ABTB1: variants seen among roughly 807,000 people sequenced by gnomAD.
The protein encoded by ABTB1 is ankyrin repeat and BTB/POZ domain-containing protein 1.
Under a neutral mutation model 57.1 loss-of-function variants are expected in ABTB1, and 45 were observed. The observed-to-expected ratio is 0.79, with a 90% CI of 0.62 to 1.01. The LOEUF is 1.01. Among genes scored for constraint, ABTB1 ranks in the 50% least tolerant of loss-of-function variants. The pLI is 0.00. For missense variants in ABTB1, 630 were observed against 666.3 expected (o/e 0.95, Z 0.60); for synonymous variants, 302 against 275.4 (o/e 1.10, Z -0.95).
In ABTB1 at chr3:127,680,176, CATT is replaced by C; in HGVS notation, c.1222_1224del (p.Ile408del). On this transcript the variant is annotated inframe_deletion, in exon 11 of 12. Transcript: ENST00000232744. ...AGTGCACTGAGTACATGGCCAAGGT[CATT>C]GAGAAGGTGGGCCAGTGGTCTGCAG... 1 of 1,613,844 alleles carries C rather than the reference CATT, an allele frequency of 6.2e-7. No homozygotes were observed. Among genetic ancestry groups the C allele is most frequent in the East Asian group, 2.2e-5 (1 of 44,870 alleles).
In ABTB1 at chr3:127,673,245, G is replaced by A. The variant is rs2074891101; in HGVS notation, c.56+164G>A. ...GCAGACCACCCGGACCCCCGCCGCA[G>A]CCCCCCAGCGGAAGCGCGCTGGGGC... On this transcript the variant is annotated intron_variant, in intron 1 of 11. Coordinates refer to ENST00000232744, the MANE Select transcript of ABTB1 (RefSeq NM_172027.3). 11 of 640,794 alleles carry A rather than the reference G, an allele frequency of 1.7e-5. 1 individual carries two copies. The South Asian group carries it at 4.6e-4, about 27-fold the overall frequency. 39.7% of individuals were successfully genotyped at this position (640,794 alleles called of 1,614,324 possible).
rs1318225535 is a variant in ABTB1 at position 127,677,689 on chromosome 3, G to A, written c.875G>A (p.Gly292Asp). The change falls in exon 10 of 12, where the codon GGC becomes GAC. Residue 292 changes from glycine (G) to aspartate (D), a missense_variant. Gly to Asp is a moderately conservative substitution (Grantham distance 94). Transcript: ENST00000232744. ...GGCCTCCCCCAGGCCTTTTTCTGTG[G>A]CCGCAGTGACTACTTCCGAGCCCTG... ...SFLCHKAFFCGRSDYFRALLD... is the reference protein window; with the variant it reads ...SFLCHKAFFCDRSDYFRALLD... The A allele has an allele frequency of 6.2e-7, 1 of 1,610,266 alleles. No individual in the cohort carries two copies. The highest frequency in any genetic ancestry group is 1.1e-5 in the South Asian group (1 of 90,706).
Position 127,676,888 on chromosome 3 carries a change from T to A in ABTB1, c.527-79T>A. 1.4e-6 allele frequency: 2 copies of A among 1,420,428 alleles called. No individual in the cohort carries two copies. Among genetic ancestry groups the A allele is most frequent in the South Asian group, 2.5e-5 (2 of 80,702 alleles). 88.0% of individuals were successfully genotyped at this position (1,420,428 alleles called of 1,614,324 possible). ...CTAGTCCTGCAGCCAGGTGGCCAGG[T>A]GGGAGGGGATCACCCTTTTTCTGTG... On this transcript the variant is annotated intron_variant, in intron 6 of 11. Transcript: ENST00000232744. This position sits in a 1 kb window ranked among gnomAD's most constrained non-coding sequence, Gnocchi z 5.4.
rs770231689 is a variant in ABTB1, at chr3:127,676,522, T to G, written c.481-14T>G. On this transcript the variant is annotated splice_polypyrimidine_tract_variant and intron_variant, in intron 5 of 11. Transcript: ENST00000232744. The surrounding 1 kb of genome is among the most constrained non-coding windows in gnomAD (Gnocchi z 5.4). Reference sequence around the variant, plus strand: ...GGCTGCCTCTGACATTACTTTCTGGTTTTCTGCCCACAGATCAACCCCGTG... The same window carrying G: ...GGCTGCCTCTGACATTACTTTCTGGGTTTCTGCCCACAGATCAACCCCGTG... 2.5e-6 allele frequency: 4 copies of G among 1,613,472 alleles called. No individual in the cohort carries two copies. Among genetic ancestry groups the G allele is most frequent in the Non-Finnish European group, 3.4e-6 (4 of 1,179,948 alleles).
chr3:127,675,957 CT>C lies in ABTB1; in HGVS notation c.176-12del, dbSNP rs2074971105. Reference sequence around the variant, plus strand: ...CCCCTTCCCTGCTAACTGGTGAGCCCTGCCTCCCCCAGGAGCCCGCTGCGAG... The same window carrying C: ...CCCCTTCCCTGCTAACTGGTGAGCCCGCCTCCCCCAGGAGCCCGCTGCGAG... On this transcript the variant is annotated splice_polypyrimidine_tract_variant and intron_variant, in intron 3 of 11. Transcript: ENST00000232744. 3 of 1,601,578 alleles carry C rather than the reference CT, an allele frequency of 1.9e-6. No homozygotes were observed. The Admixed American group carries it at 5.0e-5, about 27-fold the overall frequency.
rs2074981320 is a variant in ABTB1 at position 127,676,290 on chromosome 3, C to G, written c.339C>G (p.Ile113Met). ...TCCCCAGGCTTCTAGAGCAGGGCATCCACAGTGACGTGGTCTTTGTAGTAC... is the reference window on the plus strand; with the variant it reads ...TCCCCAGGCTTCTAGAGCAGGGCATGCACAGTGACGTGGTCTTTGTAGTAC... ...DFLQRLLEQG[I>M]HSDVVFVVHG... The change falls in exon 5 of 12, where the codon ATC (isoleucine) becomes ATG (methionine). Residue 113 changes from isoleucine to methionine, a missense_variant. By Grantham distance (10) the Ile-to-Met change is conservative. Transcript: ENST00000232744. The surrounding 1 kb of genome is among the most constrained non-coding windows in gnomAD (Gnocchi z 5.4). 6.2e-7 allele frequency: 1 copy of G among 1,613,772 alleles called. No individual in the cohort carries two copies. The highest frequency in any genetic ancestry group is 8.5e-7 in the Non-Finnish European group (1 of 1,179,806).
At chr3:127,675,736 G>T (rs2074965680) in intron 3 of ABTB1, 1 of 588,080 alleles carries the variant, frequency 1.7e-6, no homozygotes, top group Non-Finnish European at 3.0e-6. Context: ...TCCGTTCTGT[G>T]TTGTCTGTCT....
In ABTB1 at chr3:127,676,652, T is replaced by TAC; in HGVS notation, c.526+71_526+72insAC. The TAC allele has an allele frequency of 6.3e-7, 1 of 1,585,946 alleles. No individual in the cohort carries two copies. On this transcript the variant is annotated intron_variant, in intron 6 of 11. Transcript: ENST00000232744. This position sits in a 1 kb window ranked among gnomAD's most constrained non-coding sequence, Gnocchi z 5.4. ...TTCTGGACAGCAGTACACCTAGGTG[T>TAC]GGCTGGGCTGACCTTTCACCTCTAG... is the stretch of plus-strand genomic sequence containing the variant.
intron 10 of ABTB1, chr3:127,678,526 T>C (rs961279843): frequency 1.3e-5 from 2 of 152,522 alleles, no homozygotes; most frequent in Admixed American, 1.3e-4. Flanking sequence ...TCAGGTTCTG[T>C]GGGCCATATG....
intron 10 of ABTB1, 25 bp from the exon 11 acceptor site, chr3:127,679,960 A>C: frequency 6.2e-7 from 1 of 1,610,852 alleles, no homozygotes; most frequent in Non-Finnish European, 8.5e-7. Flanking sequence ...CTCGGGGGGC[A>C]CCTTCATCCC....
rs1019344075 is a variant in ABTB1 at position 127,680,137 on chromosome 3, G to A, written c.1182G>A (p.Ala394=). ...GCGTGGCCAAGCTCTTCCGCCTGGC[G>A]CGGCTTGAGGACCAGTGCACTGAGT... ...VWRVAKLFRL[A]RLEDQCTEYM... Residue 394 remains alanine, a synonymous_variant, in exon 11 of 12, where the codon GCG becomes GCA. Coordinates refer to ENST00000232744, the MANE Select transcript of ABTB1 (RefSeq NM_172027.3). 33 of 1,613,956 alleles carry A rather than the reference G, an allele frequency of 2.0e-5. No individual in the cohort carries two copies. Among genetic ancestry groups the A allele is most frequent in the South Asian group, 7.7e-5 (7 of 91,090 alleles).
Position 127,676,722 on chromosome 3 carries a change from T to C in ABTB1, c.526+141T>C. The C allele has an allele frequency of 3.5e-6, 4 of 1,145,400 alleles. No individual in the cohort carries two copies. Among genetic ancestry groups the C allele is most frequent in the Non-Finnish European group, 5.0e-6 (4 of 798,978 alleles). The allele number at this position is 1,145,400 out of a possible 1,614,324, so 71.0% of individuals were successfully genotyped here. A position where few individuals can be genotyped will look rare whatever the true frequency, so the allele number is the denominator to read the frequency against. The stretch of plus-strand genomic sequence containing the variant: ...GGGTGGTTCCAGCTGCCTCTCGGGT[T>C]GGGTTGCAAGAGAGAGGACTAGTGT... On this transcript the variant is annotated intron_variant, in intron 6 of 11. Transcript: ENST00000232744. This position sits in a 1 kb window ranked among gnomAD's most constrained non-coding sequence, Gnocchi z 5.4.
Position 127,677,246 on chromosome 3 carries a change from T to G in ABTB1, c.722T>G (p.Met241Arg). The change falls in exon 8 of 12, where the codon ATG (methionine) becomes AGG (arginine). Residue 241 changes from methionine (M) to arginine (R), a missense_variant. Around this residue, in one of 3 missense-constraint regions of ABTB1, gnomAD observed 579 missense variants for 585.9 expected, o/e 0.99. Coordinates refer to ENST00000232744, the MANE Select transcript of ABTB1 (RefSeq NM_172027.3). ...GCAGACCCCCGCCTCCGGGAGGACA[T>G]GGCGCTGCTGGCCGATTGTGCCCTG... is the stretch of plus-strand genomic sequence containing the variant. Reference protein sequence around the residue: ...PPADPRLREDMALLADCALPP... With the variant: ...PPADPRLREDRALLADCALPP... The G allele has an allele frequency of 6.3e-7, 1 of 1,597,510 alleles. No individual in the cohort carries two copies. Among genetic ancestry groups the G allele is most frequent in the Non-Finnish European group, 8.5e-7 (1 of 1,172,268 alleles).
intron 1 of ABTB1, chr3:127,674,099 G>A: frequency 2.2e-6 from 1 of 455,072 alleles, no homozygotes; most frequent in Non-Finnish European, 4.1e-6. Context: ...TCTCCCAAAC[G>A]CTGAAAGGCC....
Position 127,677,480 on chromosome 3 carries a change from C to G in ABTB1, c.778C>G (p.Leu260Val), listed in dbSNP as rs777720950. 1.9e-6 allele frequency: 3 copies of G among 1,614,016 alleles called. No homozygotes were observed. The highest frequency in any genetic ancestry group is 2.7e-5 in the African/African-American group (2 of 74,932). ...TGTACCCCAGGGTGATCTTTGGGAGCTGCCCTTCCCTTGTCCTGACGGCTT... is the reference window on the plus strand; with the variant it reads ...TGTACCCCAGGGTGATCTTTGGGAGGTGCCCTTCCCTTGTCCTGACGGCTT... ...PPELRGDLWE[L>V]PFPCPDGFNS... The change falls in exon 9 of 12, where the codon CTG (leucine) becomes GTG (valine). Residue 260 changes from leucine to valine, a missense_variant. This residue lies in a region of ABTB1 where 579 missense variants were observed against 585.9 expected (regional missense o/e 0.99). Transcript: ENST00000232744.
chr3:127,677,682 T>C lies in ABTB1; in HGVS notation c.868T>C (p.Phe290Leu). 1 of 1,610,826 alleles carries C rather than the reference T, an allele frequency of 6.2e-7. No homozygotes were observed. Among genetic ancestry groups the C allele is most frequent in the Non-Finnish European group, 8.5e-7 (1 of 1,178,480 alleles). ...GCSFLCHKAF[F>L]CGRSDYFRAL... ...TGAGCCCGGCCTCCCCCAGGCCTTT[T>C]TCTGTGGCCGCAGTGACTACTTCCG... The change falls in exon 10 of 12, where the codon TTC (phenylalanine) becomes CTC (leucine). Residue 290 changes from phenylalanine (F) to leucine (L), a missense_variant. Phe to Leu is a conservative substitution (Grantham distance 22). Around this residue, in one of 3 missense-constraint regions of ABTB1, gnomAD observed 579 missense variants for 585.9 expected, o/e 0.99. Transcript: ENST00000232744.
chr3:127,676,346 TC>T lies in ABTB1; in HGVS notation c.397del (p.Leu133TrpfsTer28). ...HGKPFRVHRC[V>X]LGARSAYFAN... Reference sequence around the variant, plus strand: ...AAGCCATTCCGGGTGCATCGCTGCGTCCTGGGTGCACGTAGTGCCTACTTTG... The same window carrying T: ...AAGCCATTCCGGGTGCATCGCTGCGTCTGGGTGCACGTAGTGCCTACTTTG... On this transcript the variant is annotated frameshift_variant, in exon 5 of 12. Transcript: ENST00000232744. LOFTEE classifies it high-confidence loss of function. This position sits in a 1 kb window ranked among gnomAD's most constrained non-coding sequence, Gnocchi z 5.4. 6.2e-7 allele frequency: 1 copy of T among 1,613,990 alleles called. No homozygotes were observed.
rs376513209 is a variant in ABTB1, at chr3:127,680,021, G to A, written c.1066G>A (p.Ala356Thr). The change falls in exon 11 of 12, where the codon GCC becomes ACC. Residue 356 changes from alanine (A) to threonine (T), a missense_variant. This residue lies in a region of ABTB1 where 579 missense variants were observed against 585.9 expected (regional missense o/e 0.99). Transcript: ENST00000232744. ...PEAAYDVLSV[A>T]DMYLLPGLKR... is the part of the protein sequence containing the mutation. ...GGCAGCCTATGATGTGCTGAGCGTC[G>A]CCGACATGTACCTGCTGCCAGGCCT... is the stretch of plus-strand genomic sequence containing the variant. 1.1e-5 allele frequency: 17 copies of A among 1,613,520 alleles called. No homozygotes were observed. The highest frequency in any genetic ancestry group is 4.0e-5 in the African/African-American group (3 of 74,934).
chr3:127,675,815 G>A (rs1220450698), intron 3 of ABTB1, 155 bp from the exon 4 acceptor site: 8 of 966,442 alleles, frequency 8.3e-6, no homozygotes, highest in South Asian at 1.6e-5. Flanking sequence ...CCTTGACTGG[G>A]AGGGTGTTGG....
Sources: allele counts gnomAD v4.1 joint callset, GRCh38; gene constraint gnomAD v4.1.1; regional missense constraint gnomAD v4.1.1; non-coding constraint Gnocchi (gnomAD v3.1); transcripts MANE v1.5; gene names NCBI Gene and HGNC (gene_info 2026-07-23, HGNC 2026-07-21).